LRRC1: variants seen among roughly 807,000 people sequenced by gnomAD.
LRRC1 encodes the protein leucine-rich repeat-containing protein 1.
LRRC1 carries 28 observed loss-of-function variants against 69.9 expected under a neutral mutation model. The ratio of observed to expected loss-of-function variants is 0.40; its 90% CI spans 0.30 to 0.55. The LOEUF is 0.55. Ranked by LOEUF, LRRC1 falls within the 20% of genes least tolerant of loss-of-function variation. LRRC1 has a pLI of 0.47. For synonymous variants in LRRC1, 236 were observed against 240.2 expected (o/e 0.98, Z 0.16); for missense variants, 498 against 609.0 (o/e 0.82, Z 1.92).
chr6:53,898,850 A>G (rs964029562), intron 7 of LRRC1, among the ~76,000 whole-genome samples: 2 of 152,198 alleles, frequency 1.3e-5, no homozygotes, highest in African/African-American at 4.8e-5. Context: ...TTAAATATAG[A>G]TGGAGGAATT....
At position 53,877,971 on chromosome 6, in the gene LRRC1, A is replaced by G. The variant is rs186575598; in HGVS notation, c.278-1022A>G. On this transcript the variant is annotated intron_variant, in intron 2 of 13. Transcript: ENST00000370888. Reference sequence around the variant, plus strand: ...TTTCATGCTGCTGATAAAGACATACAAAAGAAAGAGGTTTAATGGACTTAC... The same window carrying G: ...TTTCATGCTGCTGATAAAGACATACGAAAGAAAGAGGTTTAATGGACTTAC... 5.9e-3 allele frequency among the ~76,000 whole-genome samples: 903 copies of G among 152,300 alleles called. 7 individuals are homozygous for G. The highest frequency in any genetic ancestry group is 0.021 in the African/African-American group (858 of 41,564).
At chr6:53,860,094 A>G (rs1174501833) in intron 2 of LRRC1, among the ~76,000 whole-genome samples, 1 of 152,230 alleles carries the variant, frequency 6.6e-6, no homozygotes, top group Non-Finnish European at 1.5e-5. Flanking sequence ...CCAGTATCCC[A>G]CAGTATATCA....
chr6:53,862,685 A>G (rs1031526629), intron 2 of LRRC1, among the ~76,000 whole-genome samples: 3 of 152,098 alleles, frequency 2.0e-5, no homozygotes, highest in African/African-American at 4.8e-5. Flanking sequence ...CAGGAGACCC[A>G]TGCCGCTCAG....
chr6:53,821,613 T>C (rs535220504), intron 1 of LRRC1, among the ~76,000 whole-genome samples: 1 of 152,294 alleles, frequency 6.6e-6, no homozygotes, highest in African/African-American at 2.4e-5. Context: ...CCTCATTTGC[T>C]CTTAGAATAT....
intron 13 of LRRC1, among the ~76,000 whole-genome samples, chr6:53,921,222 C>A (rs1768730740): frequency 6.6e-6 from 1 of 152,214 alleles, no homozygotes; most frequent in Admixed American, 6.5e-5. Context: ...CCTGCCTCAG[C>A]CTCCCAAAGT....
chr6:53,800,195 C>T (rs1403974874), intron 1 of LRRC1, among the ~76,000 whole-genome samples: 1 of 149,134 alleles, frequency 6.7e-6, no homozygotes, highest in Non-Finnish European at 1.5e-5. Context: ...TGTCTAACAT[C>T]TTTCTGGATA....
At chr6:53,852,236 A>G (rs1397318169) in intron 2 of LRRC1, among the ~76,000 whole-genome samples, 3 of 152,230 alleles carry the variant, frequency 2.0e-5, no homozygotes, top group South Asian at 4.1e-4. Context: ...AAAAATTAAC[A>G]TAAACAACTT....
intron 1 of LRRC1, among the ~76,000 whole-genome samples, chr6:53,800,581 A>G (rs1338800332): frequency 6.6e-6 from 1 of 151,626 alleles, no homozygotes; most frequent in Non-Finnish European, 1.5e-5. Context: ...TGGAGTTTGA[A>G]GACATTTTCC....
chr6:53,883,519 G>T (rs758773179), intron 4 of LRRC1, among the ~76,000 whole-genome samples: 10 of 152,224 alleles, frequency 6.6e-5, no homozygotes, highest in Non-Finnish European at 1.5e-4. Context: ...TGCCGGCTTA[G>T]AGGTTGTGGA....
chr6:53,866,866 A>G (rs1337867697), intron 2 of LRRC1, among the ~76,000 whole-genome samples: 10 of 152,132 alleles, frequency 6.6e-5, no homozygotes, highest in Non-Finnish European at 1.3e-4. Flanking sequence ...CTGAAGAATT[A>G]GGTAAAGAAA....
chr6:53,812,114 G>A (rs906727275), intron 1 of LRRC1, among the ~76,000 whole-genome samples: 1 of 152,236 alleles, frequency 6.6e-6, no homozygotes, highest in Non-Finnish European at 1.5e-5. Context: ...AAGAGATAAG[G>A]CCCCATCATG....
intron 4 of LRRC1, among the ~76,000 whole-genome samples, chr6:53,894,301 G>A (rs763636928): frequency 2.4e-4 from 36 of 152,310 alleles, no homozygotes; most frequent in African/African-American, 5.5e-4. Context: ...CACAGAAGGC[G>A]CCCTGCACAG....
chr6:53,900,018 C>CTTT, intron 8 of LRRC1, 127 bp downstream of exon 8: 2 of 283,930 alleles, frequency 7.0e-6, no homozygotes, highest in South Asian at 6.4e-5. Flanking sequence ...AGTCTCCTTA[C>CTTT]TGTTTTTTTT....
rs761476094 is a variant in LRRC1 at position 53,892,009 on chromosome 6, T to TACACACACACACACAC, written c.447-4488_447-4487insCACACACACACACACA. Among the ~76,000 whole-genome samples, 160 of 74,630 alleles carry TACACACACACACACAC rather than the reference T, an allele frequency of 2.1e-3. 2 individuals are homozygous for TACACACACACACACAC. The East Asian group carries it at 0.026, about 12-fold the overall frequency. The allele number at this position is 74,630 out of a possible 152,430, so 49.0% of individuals were successfully genotyped here. ...TCTGTCTAAAAAAAAAATATATATA[T>TACACACACACACACAC]ATACACACACACACACACACACACA... On this transcript the variant is annotated intron_variant, in intron 4 of 13. Coordinates refer to ENST00000370888, the MANE Select transcript of LRRC1 (RefSeq NM_018214.5).
chr6:53,879,807 G>A (rs1767220540), intron 3 of LRRC1, among the ~76,000 whole-genome samples: 1 of 152,094 alleles, frequency 6.6e-6, no homozygotes, highest in Non-Finnish European at 1.5e-5. Flanking sequence ...TGGCTGAGTG[G>A]CATTGCTGTG....
intron 1 of LRRC1, among the ~76,000 whole-genome samples, chr6:53,804,027 G>T (rs1413837656): frequency 6.6e-6 from 1 of 152,228 alleles, no homozygotes; most frequent in African/African-American, 2.4e-5. Flanking sequence ...TGTGGGCTCT[G>T]ACTGCTTGAC....
At chr6:53,904,518 C>A in intron 10 of LRRC1, 56 bp downstream of exon 10, 1 of 1,158,000 alleles carries the variant, frequency 8.6e-7, no homozygotes, top group Non-Finnish European at 1.3e-6. Flanking sequence ...AATAATAATA[C>A]ATAAGGGATC....
chr6:53,887,415 C>A (rs763061348), intron 4 of LRRC1, among the ~76,000 whole-genome samples: 4 of 151,684 alleles, frequency 2.6e-5, no homozygotes, highest in Non-Finnish European at 5.9e-5. Context: ...ATTCTGATAA[C>A]CAGTGAGAGC....
chr6:53,907,276 C>A (rs1393854146), intron 10 of LRRC1, among the ~76,000 whole-genome samples: 1 of 152,110 alleles, frequency 6.6e-6, no homozygotes, highest in Non-Finnish European at 1.5e-5. Flanking sequence ...AATTCATATG[C>A]CAAAAATCCA....
Sources: allele counts gnomAD v4.1 joint callset (sites outside exome capture counted in the v4.1 genomes callset), GRCh38; gene constraint gnomAD v4.1.1; transcripts MANE v1.5; gene names NCBI Gene and HGNC (gene_info 2026-07-23, HGNC 2026-07-21).